Variants in CSMD3 observed in about 807,000 individuals in gnomAD.
The protein encoded by CSMD3 is CUB and sushi domain-containing protein 3.
In CSMD3, 177 loss-of-function variants were observed where a neutral mutation model predicts 435.2. That is an observed-to-expected ratio of 0.41 (90% CI 0.36 to 0.46). CSMD3 has a LOEUF of 0.46. Ranked by LOEUF, CSMD3 falls within the 20% of genes least tolerant of loss-of-function variation. The probability of loss-of-function intolerance (pLI) is 0.34; values close to 1 mark genes in which losing one functional copy is unlikely to be tolerated. For synonymous variants in CSMD3, 1,656 were observed against 1,520.5 expected (o/e 1.09, Z -2.07); for missense variants, 4,265 against 4,504.6 (o/e 0.95, Z 1.52).
chr8:113,013,385 C>T (rs2086330499), intron 6 of CSMD3, among the ~76,000 whole-genome samples: 1 of 151,434 alleles, frequency 6.6e-6, no homozygotes, highest in South Asian at 2.1e-4. Flanking sequence ...CTCATCTGTT[C>T]CATATGTTAT....
At chr8:113,343,548 T>C (rs1278753882) in intron 1 of CSMD3, among the ~76,000 whole-genome samples, 2 of 152,048 alleles carry the variant, frequency 1.3e-5, no homozygotes, top group African/African-American at 2.4e-5. Flanking sequence ...GACAGAAAAA[T>C]ACAGAAGAAC....
chr8:113,130,488 A>G (rs1026936879), intron 4 of CSMD3, among the ~76,000 whole-genome samples: 2 of 151,716 alleles, frequency 1.3e-5, no homozygotes, highest in East Asian at 3.9e-4. Context: ...CTTCCCCTTC[A>G]CCTTCTGCCA....
intron 7 of CSMD3, among the ~76,000 whole-genome samples, chr8:112,971,559 A>G (rs1046600331): frequency 7.9e-5 from 12 of 152,212 alleles, no homozygotes; most frequent in African/African-American, 1.7e-4. Context: ...TACTACAAAA[A>G]CTACTTTGCA....
intron 32 of CSMD3, among the ~76,000 whole-genome samples, chr8:112,418,490 G>C (rs1419348851): frequency 1.3e-5 from 2 of 151,972 alleles, no homozygotes. Flanking sequence ...TGTATAAATA[G>C]CTACAAATTT....
chr8:112,851,099 A>T (rs1279419129), intron 11 of CSMD3, among the ~76,000 whole-genome samples: 1 of 152,130 alleles, frequency 6.6e-6, no homozygotes, highest in Non-Finnish European at 1.5e-5. Flanking sequence ...ATTATTGGAT[A>T]TGCTTAACAA....
At chr8:112,433,685 G>GA (rs1225716061) in intron 32 of CSMD3, among the ~76,000 whole-genome samples, 1 of 131,660 alleles carries the variant, frequency 7.6e-6, no homozygotes, top group Non-Finnish European at 1.7e-5. Context: ...AAGAAAGAAA[G>GA]AAAAAAGAAA....
intron 1 of CSMD3, among the ~76,000 whole-genome samples, chr8:113,417,169 A>G (rs1419705841): frequency 6.6e-6 from 1 of 152,044 alleles, no homozygotes; most frequent in Non-Finnish European, 1.5e-5. Context: ...CTAGTCCTCC[A>G]AAAGAATCTC....
Position 112,244,434 on chromosome 8 carries a change from T to C in CSMD3, c.10362A>G (p.Arg3454=). 6.2e-7 allele frequency: 1 copy of C among 1,613,892 alleles called. No individual in the cohort carries two copies. Among genetic ancestry groups the C allele is most frequent in the Non-Finnish European group, 8.5e-7 (1 of 1,179,836 alleles). Residue 3454 remains arginine (R), a synonymous_variant, in exon 65 of 71, where the codon AGA becomes AGG. Transcript: ENST00000297405. The part of the protein sequence containing the change: ...LAGGTEHRVC[R]SDNTWTGKVP... ...CTTTTCCAGTCCAGGTGTTATCGGA[T>C]CTACACACTCTATGTTCTGTTCCAC...
At chr8:113,092,596 A>G (rs1393765585) in intron 5 of CSMD3, among the ~76,000 whole-genome samples, 5 of 152,090 alleles carry the variant, frequency 3.3e-5, no homozygotes. Flanking sequence ...TAGGTCAGCA[A>G]CTAAAACTTT....
chr8:113,352,148 C>T (rs2094194200), intron 1 of CSMD3, among the ~76,000 whole-genome samples: 1 of 152,110 alleles, frequency 6.6e-6, no homozygotes, highest in African/African-American at 2.4e-5. Flanking sequence ...ACTTAGAACC[C>T]CAAAAGGTAA....
chr8:112,432,341 T>C (rs1363851831), intron 32 of CSMD3, among the ~76,000 whole-genome samples: 1 of 152,148 alleles, frequency 6.6e-6, no homozygotes, highest in Non-Finnish European at 1.5e-5. Context: ...TCTTGCTTTG[T>C]TGCCCAGTCT....
chr8:113,144,182 T>C (rs2091617214), intron 4 of CSMD3, among the ~76,000 whole-genome samples: 1 of 151,302 alleles, frequency 6.6e-6, no homozygotes, highest in African/African-American at 2.4e-5. Context: ...TACATTTTTG[T>C]ATATTATGAG....
At chr8:112,758,103 C>T (rs2132133795) in intron 13 of CSMD3, among the ~76,000 whole-genome samples, 1 of 152,074 alleles carries the variant, frequency 6.6e-6, no homozygotes, top group Non-Finnish European at 1.5e-5. Flanking sequence ...GCCTGTAATC[C>T]CAGCACTTTG....
intron 3 of CSMD3, 150 bp downstream of exon 3, chr8:113,278,442 T>C: frequency 4.9e-6 from 3 of 607,930 alleles, no homozygotes; most frequent in South Asian, 3.3e-5. Flanking sequence ...AGCATTTTAC[T>C]ATACATTAAT....
chr8:112,410,626 G>GTA (rs1481648200), intron 32 of CSMD3, among the ~76,000 whole-genome samples: 1 of 33,468 alleles, frequency 3.0e-5, no homozygotes, highest in Non-Finnish European at 6.4e-5. Flanking sequence ...GTATATATAT[G>GTA]TGTATATATA....
chr8:113,302,765 A>C (rs1382529510), intron 2 of CSMD3, among the ~76,000 whole-genome samples: 1 of 144,938 alleles, frequency 6.9e-6, no homozygotes, highest in African/African-American at 2.6e-5. Context: ...GTATTTCAAA[A>C]TAATAAGAGC....
intron 4 of CSMD3, among the ~76,000 whole-genome samples, chr8:113,116,492 C>G (rs1188590347): frequency 1.3e-5 from 2 of 152,134 alleles, no homozygotes; most frequent in South Asian, 4.1e-4. Flanking sequence ...ATTACTCAGT[C>G]TCAGTATGTC....
At chr8:112,987,608 CA>C (rs1446884568) in intron 6 of CSMD3, among the ~76,000 whole-genome samples, 1 of 152,084 alleles carries the variant, frequency 6.6e-6, no homozygotes, top group Non-Finnish European at 1.5e-5. Context: ...AAAGATGGAC[CA>C]AAATTGCACA....
intron 32 of CSMD3, among the ~76,000 whole-genome samples, chr8:112,463,382 G>A (rs77355905): frequency 0.017 from 2,646 of 152,108 alleles, 79 homozygotes; most frequent in African/African-American, 0.06. Flanking sequence ...AAAAAAAGAA[G>A]TCCAAACCAA....
Sources: gnomAD v4.1 joint callset for allele counts (sites outside exome capture counted in the v4.1 genomes callset) on GRCh38, gnomAD v4.1.1 for gene constraint, MANE v1.5 for transcripts, NCBI Gene and HGNC (gene_info 2026-07-23, HGNC 2026-07-21) for gene names.